BACE2: variants seen among roughly 807,000 people sequenced by gnomAD.
The protein encoded by BACE2 is 56 kDa aspartic-like protease.
BACE2 carries 17 observed loss-of-function variants against 46.2 expected under a neutral mutation model. The observed-to-expected ratio is 0.37, with a 90% CI of 0.25 to 0.55. The LOEUF is 0.55. Among genes scored for constraint, BACE2 ranks in the 20% least tolerant of loss-of-function variants. The probability of loss-of-function intolerance (pLI) is 0.82; values close to 1 mark genes in which losing one functional copy is unlikely to be tolerated. For missense variants in BACE2, 595 were observed against 698.1 expected (o/e 0.85, Z 1.66); for synonymous variants, 277 against 295.9 (o/e 0.94, Z 0.66).
At chr21:41,186,378 C>A (rs116527162) in intron 1 of BACE2, 6 of 152,416 alleles carry the variant, frequency 3.9e-5, no homozygotes, top group African/African-American at 1.4e-4. Context: ...AAAAGAGGCA[C>A]TGGTTAGGGT....
At chr21:41,249,947 G>A (rs933310257) in intron 6 of BACE2, among the ~76,000 whole-genome samples, 7 of 152,116 alleles carry the variant, frequency 4.6e-5, no homozygotes, top group Non-Finnish European at 7.4e-5. Context: ...CTGTGTTGCC[G>A]GCCACCTTTT....
chr21:41,185,924 C>T (rs1177424901), intron 1 of BACE2, among the ~76,000 whole-genome samples: 1 of 152,168 alleles, frequency 6.6e-6, no homozygotes, highest in African/African-American at 2.4e-5. Flanking sequence ...TGCCCAAATA[C>T]AATTAACAGA....
intron 1 of BACE2, chr21:41,225,389 G>GC (rs1012892196): frequency 1.3e-5 from 2 of 152,152 alleles, no homozygotes; most frequent in Non-Finnish European, 2.9e-5. Flanking sequence ...CAACTCAAGG[G>GC]CCCGTCGAAA....
intron 1 of BACE2, among the ~76,000 whole-genome samples, chr21:41,224,209 A>ATTTTTTTTTTTTTTTTTTTT (rs10658440): frequency 3.0e-5 from 3 of 98,906 alleles, no homozygotes; most frequent in African/African-American, 9.0e-5. Flanking sequence ...GCCTATTTTG[A>ATTTTTTTTTTTTTTTTTTTT]TTTTTTTTTT....
chr21:41,272,481 T>C (rs921128760), intron 8 of BACE2, among the ~76,000 whole-genome samples: 1 of 152,126 alleles, frequency 6.6e-6, no homozygotes, highest in Non-Finnish European at 1.5e-5. Flanking sequence ...TCTCTCTCTC[T>C]CTTTTTTTTC....
At chr21:41,273,311 C>A (rs1041222288) in intron 8 of BACE2, among the ~76,000 whole-genome samples, 1 of 152,106 alleles carries the variant, frequency 6.6e-6, no homozygotes, top group Non-Finnish European at 1.5e-5. Flanking sequence ...ATTTATTAGG[C>A]GGAAATTTCC....
chr21:41,210,242 T>G (rs959732953), intron 1 of BACE2, among the ~76,000 whole-genome samples: 1 of 151,904 alleles, frequency 6.6e-6, no homozygotes, highest in Non-Finnish European at 1.5e-5. Flanking sequence ...CCCTTCTTTT[T>G]GCCAAGGAGA....
chr21:41,184,255 C>T (rs948232956), intron 1 of BACE2: 17 of 167,006 alleles, frequency 1.0e-4, no homozygotes, highest in Non-Finnish European at 1.0e-4. Flanking sequence ...TGAAACAGAG[C>T]GGGATTTTCA....
At chr21:41,188,884 G>A (rs1417758982) in intron 1 of BACE2, among the ~76,000 whole-genome samples, 1 of 152,188 alleles carries the variant, frequency 6.6e-6, no homozygotes, top group Non-Finnish European at 1.5e-5. Context: ...TGGGGCCACT[G>A]GGTTTTAGCA....
chr21:41,212,286 A>T (rs1568869815), intron 1 of BACE2, among the ~76,000 whole-genome samples: 1 of 152,148 alleles, frequency 6.6e-6, no homozygotes, highest in Admixed American at 6.5e-5. Context: ...GCTCTCACGT[A>T]CTTTTGTAAG....
chr21:41,246,015 C>G lies in BACE2; in HGVS notation c.936C>G (p.Pro312=), dbSNP rs1397591824. The G allele has an allele frequency of 6.2e-7, 1 of 1,611,342 alleles. No homozygotes were observed. Among genetic ancestry groups the G allele is most frequent in the Non-Finnish European group, 8.5e-7 (1 of 1,178,900 alleles). ...VDSGTTLLRL[P]QKVFDAVVEA... ...GTGGCACCACGCTGCTGCGCCTGCC[C>G]CAGAAGGTGTTTGATGCGGTGGTGG... Residue 312 remains proline (P), a synonymous_variant, in exon 6 of 9, where the codon CCC becomes CCG. Transcript: ENST00000330333.
intron 1 of BACE2, among the ~76,000 whole-genome samples, chr21:41,169,236 G>C (rs1460374206): frequency 6.7e-6 from 1 of 150,092 alleles, no homozygotes; most frequent in Non-Finnish European, 1.5e-5. Flanking sequence ...CCCTCTGCAC[G>C]GAGCGATGCA....
chr21:41,238,033 GT>G (rs1987175819), intron 3 of BACE2, among the ~76,000 whole-genome samples: 1 of 152,252 alleles, frequency 6.6e-6, no homozygotes, highest in Non-Finnish European at 1.5e-5. Context: ...GTGTTTAGGA[GT>G]TTTTACTAAG....
chr21:41,198,483 G>A lies in BACE2; in HGVS notation c.313-27783G>A, dbSNP rs370810419. ...TAGAATATCACAGATGCTCAGGAGC[G>A]ATGCATTCACCTGTCTGTTCCTGCC... On this transcript the variant is annotated intron_variant, in intron 1 of 8. Coordinates refer to ENST00000330333, the MANE Select transcript of BACE2 (RefSeq NM_012105.5). 2.0e-5 allele frequency among the ~76,000 whole-genome samples: 3 copies of A among 152,214 alleles called. No individual in the cohort carries two copies. In the East Asian group the frequency reaches 5.8e-4, roughly 29 times the overall value.
chr21:41,226,919 G>C (rs1313641996), intron 2 of BACE2, among the ~76,000 whole-genome samples: 2 of 152,224 alleles, frequency 1.3e-5, no homozygotes, highest in African/African-American at 4.8e-5. Flanking sequence ...GACTGGGGCT[G>C]CACATGAGCA....
At chr21:41,229,131 T>C (rs1330092301) in intron 2 of BACE2, among the ~76,000 whole-genome samples, 2 of 152,312 alleles carry the variant, frequency 1.3e-5, no homozygotes, top group African/African-American at 2.4e-5. Flanking sequence ...ACCTTCCCCA[T>C]TGAGAACCGC....
rs1445610037 is a variant in BACE2 at position 41,279,225 on chromosome 21, C to A, written c.*3601C>A. The stretch of plus-strand genomic sequence containing the variant: ...AATTAAATGGCAAGCTGGAAAAATA[C>A]ATTTTGAGAGGGGTAGAAAGAATAA... On this transcript the variant is annotated 3_prime_UTR_variant, in exon 9 of 9. Coordinates refer to ENST00000330333, the MANE Select transcript of BACE2 (RefSeq NM_012105.5). 6.6e-6 allele frequency: 1 copy of A among 152,046 alleles called. No homozygotes were observed. The highest frequency in any genetic ancestry group is 2.4e-5 in the African/African-American group (1 of 41,386). 9.4% of individuals were successfully genotyped at this position (152,046 alleles called of 1,614,324 possible).
chr21:41,243,360 A>G lies in BACE2; in HGVS notation c.748-16A>G. 6.3e-7 allele frequency: 1 copy of G among 1,581,610 alleles called. No individual in the cohort carries two copies. Among genetic ancestry groups the G allele is most frequent in the African/African-American group, 1.4e-5 (1 of 73,772 alleles). On this transcript the variant is annotated splice_polypyrimidine_tract_variant and intron_variant, in intron 4 of 8. Coordinates refer to ENST00000330333, the MANE Select transcript of BACE2 (RefSeq NM_012105.5). ...TGTATTTTTTCTCTTATACCTGTAA[A>G]TATTTCCTGTCCCAGGTCTTGGGTG...
At chr21:41,255,632 C>A (rs1321993135) in intron 7 of BACE2, among the ~76,000 whole-genome samples, 1 of 152,310 alleles carries the variant, frequency 6.6e-6, no homozygotes, top group East Asian at 1.9e-4. Flanking sequence ...GTGTGTCATT[C>A]ACCGTTGTAG....
Sources: gnomAD v4.1 joint callset for allele counts (sites outside exome capture counted in the v4.1 genomes callset) on GRCh38, gnomAD v4.1.1 for gene constraint, MANE v1.5 for transcripts, NCBI Gene and HGNC (gene_info 2026-07-23, HGNC 2026-07-21) for gene names.